UHRF2: variants seen among roughly 807,000 people sequenced by gnomAD.
UHRF2 encodes E3 ubiquitin-protein ligase UHRF2.
UHRF2 carries 23 observed loss-of-function variants against 96.8 expected under a neutral mutation model. That is an observed-to-expected ratio of 0.24 (90% CI 0.17 to 0.34). UHRF2 has a LOEUF of 0.34. Ranked by LOEUF, UHRF2 falls within the 10% of genes least tolerant of loss-of-function variation. UHRF2 has a pLI of 1.00. For missense variants in UHRF2, 685 were observed against 981.5 expected, an observed-to-expected ratio of 0.70 and a Z score of 4.04; for synonymous variants, 385 against 332.6, an observed-to-expected ratio of 1.16 and a Z score of -1.72.
chr9:6,422,044 A>G (rs1289666011), intron 2 of UHRF2, among the ~76,000 whole-genome samples: 1 of 152,196 alleles, frequency 6.6e-6, no homozygotes, highest in South Asian at 2.1e-4. Flanking sequence ...TGTTTTAAAC[A>G]GTGCTGTTTT....
chr9:6,462,210 T>C (rs1442003411), intron 4 of UHRF2, among the ~76,000 whole-genome samples: 1 of 152,160 alleles, frequency 6.6e-6, no homozygotes, highest in Non-Finnish European at 1.5e-5. Context: ...TCTGTGGCTA[T>C]TTTTGTGCTC....
At chr9:6,422,666 G>C (rs1178670020) in intron 2 of UHRF2, 2 of 648,602 alleles carry the variant, frequency 3.1e-6, no homozygotes, top group African/African-American at 1.8e-5. Flanking sequence ...CTGTAGTGCA[G>C]TGACGTGAAC....
rs969496948 is a variant in UHRF2 at position 6,500,816 on chromosome 9, C to T, written c.2163+107C>T. 11 of 1,101,226 alleles carry T rather than the reference C, an allele frequency of 1.0e-5. No homozygotes were observed. The Admixed American group carries it at 2.0e-4, about 20-fold the overall frequency. The allele number at this position is 1,101,226 out of a possible 1,614,324, so 68.2% of individuals were successfully genotyped here. On this transcript the variant is annotated intron_variant, in intron 14 of 15. Transcript: ENST00000276893. ...CATCAGTCAAAACTTCATCCTTCTACCCGGTTTTCTAATCCAGTGCCACTA... is the reference window on the plus strand; with the variant it reads ...CATCAGTCAAAACTTCATCCTTCTATCCGGTTTTCTAATCCAGTGCCACTA...
intron 2 of UHRF2, among the ~76,000 whole-genome samples, chr9:6,425,644 TCCCA>T (rs1284424583): frequency 6.6e-6 from 1 of 151,904 alleles, no homozygotes; most frequent in Non-Finnish European, 1.5e-5. Context: ...ATGCCTGTAA[TCCCA>T]GCTACTCGGG....
At chr9:6,469,929 A>G (rs1038264009) in intron 4 of UHRF2, among the ~76,000 whole-genome samples, 5 of 152,134 alleles carry the variant, frequency 3.3e-5, no homozygotes, top group Admixed American at 2.0e-4. Context: ...TGTAAATTCT[A>G]AGCAGGATAA....
At position 6,413,450 on chromosome 9, in the gene UHRF2, AG is replaced by A; in HGVS notation, c.-36del. 6.9e-7 allele frequency: 1 copy of A among 1,442,806 alleles called. No homozygotes were observed. 89.4% of individuals were successfully genotyped at this position (1,442,806 alleles called of 1,614,324 possible). ...GGGCGGGGCGCGGCGCCCAGAGCTC[AG>A]GGGGAGACAAAGGGGACCGGTTCCT... is the stretch of plus-strand genomic sequence containing the variant. On this transcript the variant is annotated 5_prime_UTR_variant, in exon 1 of 16. Transcript: ENST00000276893.
At chr9:6,477,572 A>G (rs769496560) in intron 5 of UHRF2, 50 bp from the exon 6 acceptor site, 2 of 1,491,206 alleles carry the variant, frequency 1.3e-6, no homozygotes, top group South Asian at 1.3e-5. Context: ...AGATTCATAG[A>G]TATAAAAAAT....
intron 3 of UHRF2, among the ~76,000 whole-genome samples, chr9:6,450,602 G>A (rs1044684913): frequency 3.9e-5 from 6 of 152,114 alleles, no homozygotes; most frequent in African/African-American, 1.4e-4. Context: ...TTACCAGCTT[G>A]TATTGTAATT....
chr9:6,457,764 A>T (rs1225116576), intron 3 of UHRF2, among the ~76,000 whole-genome samples: 1 of 152,116 alleles, frequency 6.6e-6, no homozygotes, highest in African/African-American at 2.4e-5. Context: ...TAAGATAATC[A>T]TGTGGTTTTT....
chr9:6,468,696 T>C, intron 4 of UHRF2: 1 of 456,012 alleles, frequency 2.2e-6, no homozygotes, highest in South Asian at 1.5e-5. Flanking sequence ...GACAAGAGGC[T>C]GGAAATGTAG....
In UHRF2 at chr9:6,489,619, T is replaced by G. The variant is rs138975847; in HGVS notation, c.1497+2694T>G. 1.9e-4 allele frequency among the ~76,000 whole-genome samples: 29 copies of G among 152,352 alleles called. No homozygotes were observed. The East Asian group carries it at 5.6e-3, about 29-fold the overall frequency. The stretch of plus-strand genomic sequence containing the variant: ...TGTTTTAGCCATTCTGATAGGTGTG[T>G]GTTGATATCTTATTGTTGGACGTGA... On this transcript the variant is annotated intron_variant, in intron 9 of 15. Coordinates refer to ENST00000276893, the MANE Select transcript of UHRF2 (RefSeq NM_152896.3).
At chr9:6,448,522 A>C (rs762596530) in intron 3 of UHRF2, among the ~76,000 whole-genome samples, 1 of 152,214 alleles carries the variant, frequency 6.6e-6, no homozygotes, top group Non-Finnish European at 1.5e-5. Flanking sequence ...TCTATGCTTC[A>C]TCTGTAAAAT....
chr9:6,428,483 C>G (rs1457244246), intron 2 of UHRF2, among the ~76,000 whole-genome samples: 1 of 145,964 alleles, frequency 6.9e-6, no homozygotes, highest in African/African-American at 2.5e-5. Flanking sequence ...ACCCTAATCC[C>G]TAATTTTCTG....
intron 4 of UHRF2, among the ~76,000 whole-genome samples, chr9:6,463,608 C>G (rs1056875759): frequency 6.6e-6 from 1 of 151,842 alleles, no homozygotes; most frequent in African/African-American, 2.4e-5. Flanking sequence ...GTAGCTGGAA[C>G]TACAGGCGCA....
In UHRF2 at chr9:6,413,318, C is replaced by A; in HGVS notation, c.-173C>A. 1 of 478,382 alleles carries A rather than the reference C, an allele frequency of 2.1e-6. No individual in the cohort carries two copies. Among genetic ancestry groups the A allele is most frequent in the Non-Finnish European group, 3.0e-6 (1 of 338,566 alleles). 29.6% of individuals were successfully genotyped at this position (478,382 alleles called of 1,614,324 possible). On this transcript the variant is annotated 5_prime_UTR_variant, in exon 1 of 16. Transcript: ENST00000276893. ...CTCAAGTCGGCTAGTCGGGCGCGCG[C>A]GCTGAGAGTCGTCGCCGCCTGTCGG...
At chr9:6,447,149 A>G (rs1821567075) in intron 3 of UHRF2, among the ~76,000 whole-genome samples, 1 of 152,224 alleles carries the variant, frequency 6.6e-6, no homozygotes, top group East Asian at 1.9e-4. Context: ...TCTGCCTCCC[A>G]AAGTGCTGGG....
At chr9:6,437,671 G>A (rs190038844) in intron 3 of UHRF2, among the ~76,000 whole-genome samples, 73 of 152,268 alleles carry the variant, frequency 4.8e-4, no homozygotes, top group Middle Eastern at 3.4e-3. Context: ...AGGCTGGAGT[G>A]CAGTGGTGCG....
intron 2 of UHRF2, among the ~76,000 whole-genome samples, chr9:6,421,805 A>G (rs1392254420): frequency 2.0e-5 from 3 of 148,864 alleles, no homozygotes; most frequent in African/African-American, 5.0e-5. Context: ...ATTCTTTTAT[A>G]CTCTTTTTGT....
intron 3 of UHRF2, among the ~76,000 whole-genome samples, chr9:6,445,013 G>A (rs540487751): frequency 6.1e-4 from 93 of 151,782 alleles, no homozygotes; most frequent in African/African-American, 2.1e-3. Context: ...GGTTGAGGCC[G>A]GTCATGGTGG....
Sources: allele counts gnomAD v4.1 joint callset (sites outside exome capture counted in the v4.1 genomes callset), GRCh38; gene constraint gnomAD v4.1.1; transcripts MANE v1.5; gene names NCBI Gene and HGNC (gene_info 2026-07-23, HGNC 2026-07-21).